Variants in GULP1 observed in about 807,000 individuals in gnomAD.
GULP1 encodes PTB domain-containing engulfment adapter protein 1.
Under a neutral mutation model 40.9 loss-of-function variants are expected in GULP1, and 19 were observed. The ratio of observed to expected loss-of-function variants is 0.46; its 90% CI spans 0.32 to 0.68. The LOEUF is 0.68. GULP1 is among the 30% of genes least tolerant of loss of function. The probability of loss-of-function intolerance (pLI) is 0.03; values close to 1 mark genes in which losing one functional copy is unlikely to be tolerated. For synonymous variants in GULP1, 119 were observed against 117.6 expected, an observed-to-expected ratio of 1.01 and a Z score of -0.08; for missense variants, 312 against 362.2, an observed-to-expected ratio of 0.86 and a Z score of 1.12.
At chr2:188,405,816 C>G (rs1421726183) in intron 2 of GULP1, among the ~76,000 whole-genome samples, 2 of 152,182 alleles carry the variant, frequency 1.3e-5, no homozygotes, top group Non-Finnish European at 2.9e-5. Context: ...TGAAGGCTTA[C>G]CCAAACAAAA....
intron 2 of GULP1, among the ~76,000 whole-genome samples, chr2:188,399,258 G>A (rs1194023643): frequency 1.1e-4 from 17 of 152,186 alleles, no homozygotes; most frequent in Non-Finnish European, 1.5e-5. Context: ...GGCATCTAGA[G>A]ATCAGGAAGT....
At chr2:188,405,379 A>C (rs574720378) in intron 2 of GULP1, among the ~76,000 whole-genome samples, 1 of 152,228 alleles carries the variant, frequency 6.6e-6, no homozygotes, top group South Asian at 2.1e-4. Context: ...ATCAGGCTTT[A>C]ATAGATTCAG....
chr2:188,451,863 C>A (rs2058859939), intron 2 of GULP1, among the ~76,000 whole-genome samples: 1 of 151,752 alleles, frequency 6.6e-6, no homozygotes, highest in South Asian at 2.1e-4. Flanking sequence ...ATATATCTGT[C>A]ATTAATATAT....
intron 11 of GULP1, chr2:188,593,466 A>G (rs1703988020): frequency 6.6e-6 from 1 of 152,232 alleles, no homozygotes; most frequent in South Asian, 2.1e-4. Context: ...CACAGAGGAT[A>G]CGGCATTGCA....
At chr2:188,303,609 TG>T (rs2036520813) in intron 1 of GULP1, among the ~76,000 whole-genome samples, 1 of 152,144 alleles carries the variant, frequency 6.6e-6, no homozygotes, top group Non-Finnish European at 1.5e-5. Context: ...GTATTAGAAC[TG>T]GTATCAGTAT....
At chr2:188,454,456 C>T (rs910158423) in intron 2 of GULP1, among the ~76,000 whole-genome samples, 34 of 152,232 alleles carry the variant, frequency 2.2e-4, no homozygotes, top group African/African-American at 7.9e-4. Flanking sequence ...AATAGGTGAA[C>T]AGTGGGGATC....
chr2:188,467,343 A>C (rs2060210729), intron 2 of GULP1, among the ~76,000 whole-genome samples: 1 of 152,144 alleles, frequency 6.6e-6, no homozygotes, highest in Admixed American at 6.5e-5. Context: ...TAACATGCCT[A>C]GGTCTGAAAC....
At chr2:188,581,946 A>C (rs926341596) in intron 9 of GULP1, among the ~76,000 whole-genome samples, 21 of 152,266 alleles carry the variant, frequency 1.4e-4, no homozygotes, top group Admixed American at 2.6e-4. Context: ...TTTATGTACA[A>C]GAGTTTACTC....
At chr2:188,457,470 G>A (rs573317030) in intron 2 of GULP1, among the ~76,000 whole-genome samples, 1 of 152,244 alleles carries the variant, frequency 6.6e-6, no homozygotes, top group East Asian at 1.9e-4. Flanking sequence ...CATCCACGTA[G>A]GATGTGACTT....
intron 4 of GULP1, among the ~76,000 whole-genome samples, chr2:188,501,634 C>G (rs1019493281): frequency 1.1e-4 from 16 of 151,852 alleles, no homozygotes; most frequent in African/African-American, 3.9e-4. Flanking sequence ...AGAAATGCCT[C>G]TTGTTAAAGA....
Position 188,469,886 on chromosome 2 carries a change from C to T in GULP1, c.-44-7773C>T, listed in dbSNP as rs186428668. On this transcript the variant is annotated intron_variant, in intron 2 of 11. Transcript: ENST00000409830. Reference sequence around the variant, plus strand: ...ATTTGCCTATGTTGAATCATTCTTTCATCCCAGAGATAAAATCCCACTTGG... The same window carrying T: ...ATTTGCCTATGTTGAATCATTCTTTTATCCCAGAGATAAAATCCCACTTGG... Among the ~76,000 whole-genome samples the T allele has an allele frequency of 1.1e-3, 167 of 152,218 alleles. 3 individuals are homozygous for T. Among genetic ancestry groups the T allele is most frequent in the Non-Finnish European group, 2.8e-4 (19 of 67,998 alleles).
chr2:188,538,220 A>G (rs1689458123), intron 6 of GULP1, among the ~76,000 whole-genome samples: 1 of 152,034 alleles, frequency 6.6e-6, no homozygotes, highest in East Asian at 1.9e-4. Context: ...ATCTTCTGCT[A>G]GCTTTGGGGT....
intron 1 of GULP1, among the ~76,000 whole-genome samples, chr2:188,312,059 G>A (rs1242073350): frequency 6.6e-6 from 1 of 151,752 alleles, no homozygotes; most frequent in African/African-American, 2.4e-5. Flanking sequence ...TTTATAGACA[G>A]CTCCTTCAAT....
intron 4 of GULP1, among the ~76,000 whole-genome samples, chr2:188,496,817 C>CTTGGTTAAACCACCTTTA (rs1405724537): frequency 1.4e-4 from 21 of 151,840 alleles, no homozygotes; most frequent in African/African-American, 3.9e-4. Flanking sequence ...GGTTTAACAC[C>CTTGGTTAAACCACCTTTA]ATCCGCCTTG....
At chr2:188,593,215 T>TA (rs552411182) in intron 11 of GULP1, 277 of 144,806 alleles carry the variant, frequency 1.9e-3, no homozygotes, top group African/African-American at 5.9e-3. Flanking sequence ...TCTTATGCAA[T>TA]AAAAAAAAAA....
At chr2:188,591,422 G>A (rs1703535406) in intron 11 of GULP1, 1 of 151,880 alleles carries the variant, frequency 6.6e-6, no homozygotes, top group African/African-American at 2.4e-5. Context: ...AAACTTTAAA[G>A]CAATCTATTC....
intron 3 of GULP1, among the ~76,000 whole-genome samples, chr2:188,482,722 T>C (rs775427348): frequency 1.3e-5 from 2 of 151,174 alleles, no homozygotes; most frequent in African/African-American, 2.4e-5. Context: ...ATATAAATAA[T>C]ATATAATACA....
At chr2:188,367,060 GTAGT>G (rs1269719098) in intron 1 of GULP1, among the ~76,000 whole-genome samples, 2 of 152,130 alleles carry the variant, frequency 1.3e-5, no homozygotes, top group East Asian at 3.9e-4. Context: ...ACCTTTATAT[GTAGT>G]TAAATTTTTG....
chr2:188,530,952 TAAAAGCCAAAAGAGGAAC>T (rs1361005023), intron 6 of GULP1, among the ~76,000 whole-genome samples: 4 of 152,200 alleles, frequency 2.6e-5, no homozygotes, highest in Non-Finnish European at 5.9e-5. Flanking sequence ...TAATTCAGTA[TAAAAGCCAAAAGAGGAAC>T]TTCTGGCCTG....
Sources: gnomAD v4.1 joint callset for allele counts (sites outside exome capture counted in the v4.1 genomes callset) on GRCh38, gnomAD v4.1.1 for gene constraint, MANE v1.5 for transcripts, NCBI Gene and HGNC (gene_info 2026-07-23, HGNC 2026-07-21) for gene names.